CCNB1: variants seen among roughly 807,000 people sequenced by gnomAD.
CCNB1 encodes the protein G2/mitotic-specific cyclin-B1.
A neutral mutation model predicts 44.4 loss-of-function variants in CCNB1; 26 were observed. The ratio of observed to expected loss-of-function variants is 0.59; its 90% CI spans 0.43 to 0.81. The LOEUF (loss-of-function observed/expected upper bound fraction) is 0.81, where lower values mean the gene tolerates loss of function less well. CCNB1 is among the 40% of genes least tolerant of loss of function. CCNB1 has a pLI of 0.00. For synonymous variants in CCNB1, 195 were observed against 181.4 expected (o/e 1.08, Z -0.60); for missense variants, 477 against 520.9 (o/e 0.92, Z 0.82).
intron 3 of CCNB1, among the ~76,000 whole-genome samples, chr5:69,170,480 G>A (rs1028829861): frequency 6.6e-6 from 1 of 152,144 alleles, no homozygotes; most frequent in African/African-American, 2.4e-5. Context: ...GTAGTGAGAA[G>A]CAGTTTATAT....
At chr5:69,168,752 C>T (rs1474066936) in intron 3 of CCNB1, among the ~76,000 whole-genome samples, 1 of 152,126 alleles carries the variant, frequency 6.6e-6, no homozygotes, top group Non-Finnish European at 1.5e-5. Context: ...AATTTATTGG[C>T]GTAAACATAG....
chr5:69,169,235 T>C (rs1227063686), intron 3 of CCNB1, among the ~76,000 whole-genome samples: 1 of 152,142 alleles, frequency 6.6e-6, no homozygotes, highest in African/African-American at 2.4e-5. Context: ...CACGCCCAGC[T>C]AATTTTCATA....
chr5:69,168,104 T>A, intron 2 of CCNB1, 26 bp downstream of exon 2: 1 of 1,611,424 alleles, frequency 6.2e-7, no homozygotes, highest in Non-Finnish European at 8.5e-7. Context: ...ACCTAACTTC[T>A]GTAAGAGCCC....
chr5:69,176,154 T>C (rs1344191387), intron 7 of CCNB1, among the ~76,000 whole-genome samples: 1 of 151,566 alleles, frequency 6.6e-6, no homozygotes, highest in Admixed American at 6.6e-5. Flanking sequence ...TACCAAAGTG[T>C]TGGAATTACA....
At chr5:69,170,859 C>T (rs765482685) in intron 3 of CCNB1, among the ~76,000 whole-genome samples, 2 of 152,138 alleles carry the variant, frequency 1.3e-5, no homozygotes, top group Non-Finnish European at 2.9e-5. Context: ...CTCAAAGGAT[C>T]CTCCCACCTC....
intron 4 of CCNB1, among the ~76,000 whole-genome samples, chr5:69,173,298 G>A (rs1006196938): frequency 6.6e-6 from 1 of 152,100 alleles, no homozygotes; most frequent in Non-Finnish European, 1.5e-5. Flanking sequence ...CCCACGGCTT[G>A]GGTATGTATA....
At position 69,177,228 on chromosome 5, in the gene CCNB1, TG is replaced by T; in HGVS notation, c.1084-10del. 6.9e-7 allele frequency: 1 copy of T among 1,453,412 alleles called. No individual in the cohort carries two copies. The highest frequency in any genetic ancestry group is 9.6e-7 in the Non-Finnish European group (1 of 1,039,504). The allele number at this position is 1,453,412 out of a possible 1,614,324, so 90.0% of individuals were successfully genotyped here. A position where few individuals can be genotyped will look rare whatever the true frequency, so the allele number is the denominator to read the frequency against. Reference sequence around the variant, plus strand: ...GATTTGAGCATTTTTAACATTAACTTGTTGCCTTAGACACCAACTCTACAAC... The same window carrying T: ...GATTTGAGCATTTTTAACATTAACTTTTGCCTTAGACACCAACTCTACAAC... On this transcript the variant is annotated splice_polypyrimidine_tract_variant and intron_variant, in intron 7 of 8. Transcript: ENST00000256442.
intron 5 of CCNB1, 76 bp from the exon 6 acceptor site, chr5:69,174,799 CTT>C: frequency 1.8e-6 from 2 of 1,123,972 alleles, no homozygotes; most frequent in Non-Finnish European, 2.7e-6. Flanking sequence ...GGGAGAATGT[CTT>C]TCTACCTCTC....
intron 6 of CCNB1, 112 bp from the exon 7 acceptor site, chr5:69,175,285 C>A: frequency 9.1e-7 from 1 of 1,095,450 alleles, no homozygotes; most frequent in Non-Finnish European, 1.3e-6. Flanking sequence ...TTTCCATGGG[C>A]ATTTGAGAGT....
intron 3 of CCNB1, among the ~76,000 whole-genome samples, chr5:69,168,580 G>A (rs575057878): frequency 2.0e-5 from 3 of 152,296 alleles, no homozygotes; most frequent in African/African-American, 7.2e-5. Context: ...TTATGTCAGG[G>A]TCACACAGGT....
At chr5:69,172,404 C>G (rs1747483967) in intron 4 of CCNB1, among the ~76,000 whole-genome samples, 1 of 151,972 alleles carries the variant, frequency 6.6e-6, no homozygotes, top group Non-Finnish European at 1.5e-5. Context: ...TTACAGGTGC[C>G]CACCACAACA....
At chr5:69,167,312 C>G (rs772426626) in intron 1 of CCNB1, 29 bp downstream of exon 1, 12 of 1,601,670 alleles carry the variant, frequency 7.5e-6, no homozygotes, top group African/African-American at 4.0e-5. Flanking sequence ...CGAACTAACG[C>G]GGCCTTCTTA....
chr5:69,170,976 G>A (rs148107419), intron 3 of CCNB1, among the ~76,000 whole-genome samples: 35 of 151,922 alleles, frequency 2.3e-4, no homozygotes, highest in African/African-American at 8.0e-4. Context: ...CAGAGACAGG[G>A]TTTTGCTATG....
intron 1 of CCNB1, 165 bp downstream of exon 1, chr5:69,167,448 G>C: frequency 3.0e-6 from 2 of 658,628 alleles, no homozygotes; most frequent in South Asian, 1.7e-5. Context: ...CCCAGGCCTG[G>C]TGAGAGAGTG....
Position 69,177,318 on chromosome 5 carries a change from T to C in CCNB1, c.1163T>C (p.Val388Ala), listed in dbSNP as rs758920603. 6.8e-6 allele frequency: 11 copies of C among 1,611,408 alleles called. No individual in the cohort carries two copies. Among genetic ancestry groups the C allele is most frequent in the African/African-American group, 1.3e-5 (1 of 74,876 alleles). The change falls in exon 8 of 9, where the codon GTC becomes GCC. Residue 388 changes from valine (V) to alanine (A), a missense_variant. Val to Ala is a moderately conservative substitution (Grantham distance 64, BLOSUM62 0). Coordinates refer to ENST00000256442, the MANE Select transcript of CCNB1 (RefSeq NM_031966.4). ...PVMQHLAKNVVMVNQGLTKHM... is the reference protein window; with the variant it reads ...PVMQHLAKNVAMVNQGLTKHM... ...ATGCAGCACCTGGCTAAGAATGTAGTCATGGTAAATCAAGGACTTACAAAG... is the reference window on the plus strand; with the variant it reads ...ATGCAGCACCTGGCTAAGAATGTAGCCATGGTAAATCAAGGACTTACAAAG...
intron 4 of CCNB1, among the ~76,000 whole-genome samples, chr5:69,172,021 G>A (rs1202800252): frequency 3.9e-5 from 6 of 152,328 alleles, no homozygotes; most frequent in African/African-American, 1.2e-4. Flanking sequence ...CTTTATGGCA[G>A]CATAAACATA....
chr5:69,173,210 G>A (rs929676273), intron 4 of CCNB1, among the ~76,000 whole-genome samples: 1 of 152,196 alleles, frequency 6.6e-6, no homozygotes, highest in Non-Finnish European at 1.5e-5. Context: ...TTGGGTGACT[G>A]ATGAGGGGGA....
chr5:69,177,904 C>A lies in CCNB1; in HGVS notation c.*273C>A, dbSNP rs191764548. The stretch of plus-strand genomic sequence containing the variant: ...ATATACTGGGTTCTTGTTTTATATA[C>A]CTGGCTTTTACTTTATTAATATGAG... On this transcript the variant is annotated 3_prime_UTR_variant, in exon 9 of 9. Transcript: ENST00000256442. 123 of 284,512 alleles carry A rather than the reference C, an allele frequency of 4.3e-4. 1 individual carries two copies. In the Admixed American group the frequency reaches 5.0e-3, roughly 11 times the overall value. The allele number at this position is 284,512 out of a possible 1,614,324, so 17.6% of individuals were successfully genotyped here. A position where few individuals can be genotyped will look rare whatever the true frequency, so the allele number is the denominator to read the frequency against.
rs1042588711 is a variant in CCNB1, at chr5:69,169,746, G to A, written c.363+1403G>A. On this transcript the variant is annotated intron_variant, in intron 3 of 8. Coordinates refer to ENST00000256442, the MANE Select transcript of CCNB1 (RefSeq NM_031966.4). ...TGGCTCACCACAACCTCTGCCTCCC[G>A]AGTTCAGTGATTCTCCTGCTTCAGC... Among the ~76,000 whole-genome samples the A allele has an allele frequency of 3.9e-5, 6 of 152,118 alleles. No individual in the cohort carries two copies. The East Asian group carries it at 5.8e-4, about 15-fold the overall frequency.
Sources: gnomAD v4.1 joint callset for allele counts (sites outside exome capture counted in the v4.1 genomes callset) on GRCh38, gnomAD v4.1.1 for gene constraint, MANE v1.5 for transcripts, NCBI Gene and HGNC (gene_info 2026-07-23, HGNC 2026-07-21) for gene names.